PAX3: variants seen among roughly 807,000 people sequenced by gnomAD.
PAX3 encodes paired box protein Pax-3.
Under a neutral mutation model 51.6 loss-of-function variants are expected in PAX3, and 14 were observed. The observed-to-expected ratio is 0.27, with a 90% CI of 0.18 to 0.42. The LOEUF (loss-of-function observed/expected upper bound fraction) is 0.42. PAX3 is among the 10% of genes least tolerant of loss of function. The pLI, the probability that PAX3 is intolerant of heterozygous loss-of-function variation, is 1.00. For missense variants in PAX3, 540 were observed against 642.8 expected, an observed-to-expected ratio of 0.84 and a Z score of 1.73; for synonymous variants, 280 against 253.4, an observed-to-expected ratio of 1.11 and a Z score of -1.00.
intron 5 of PAX3, 88 bp from the exon 6 acceptor site, chr2:222,221,475 G>A: frequency 8.1e-7 from 1 of 1,236,934 alleles, no homozygotes; most frequent in Middle Eastern, 1.9e-4. Context: ...CAGATTAGAG[G>A]CTTCTTACTG....
intron 4 of PAX3, among the ~76,000 whole-genome samples, chr2:222,233,911 G>A (rs991905277): frequency 9.2e-5 from 14 of 152,166 alleles, no homozygotes; most frequent in African/African-American, 1.2e-4. Context: ...GATAGGACCT[G>A]GGGAAATGAA....
At chr2:222,292,776 G>T (rs1182000805) in intron 4 of PAX3, among the ~76,000 whole-genome samples, 4 of 152,190 alleles carry the variant, frequency 2.6e-5, no homozygotes, top group Non-Finnish European at 5.9e-5. Context: ...GAGGATTTAG[G>T]CTGAGTCCAT....
intron 4 of PAX3, among the ~76,000 whole-genome samples, chr2:222,238,989 C>A (rs995505925): frequency 1.3e-5 from 2 of 152,110 alleles, no homozygotes; most frequent in Non-Finnish European, 2.9e-5. Flanking sequence ...CTGAAGTAGC[C>A]CTTTTACGCT....
intron 4 of PAX3, among the ~76,000 whole-genome samples, chr2:222,265,646 AGAAG>A (rs71053065): frequency 0.028 from 3,075 of 109,238 alleles, 71 homozygotes; most frequent in Middle Eastern, 0.047. Flanking sequence ...ATCAAAAAAA[AGAAG>A]GAAGGAAGGA....
chr2:222,216,039 CA>C (rs1691943999), intron 7 of PAX3, among the ~76,000 whole-genome samples: 1 of 152,208 alleles, frequency 6.6e-6, no homozygotes, highest in South Asian at 2.1e-4. Flanking sequence ...TTCCCTGACA[CA>C]TGCAGCCTTT....
At chr2:222,295,774 C>G (rs45441600) in intron 2 of PAX3, 117 bp from the exon 3 acceptor site, 1 of 1,200,096 alleles carries the variant, frequency 8.3e-7, no homozygotes, top group African/African-American at 1.5e-5. Flanking sequence ...GGACGGTCCC[C>G]CTTTGTGAGC....
chr2:222,221,156 A>G (rs903240097), intron 6 of PAX3, 66 bp downstream of exon 6: 16 of 1,479,096 alleles, frequency 1.1e-5, no homozygotes, highest in Non-Finnish European at 1.4e-5. Context: ...ATTCACTTGT[A>G]TAAAATATCC....
At chr2:222,252,322 T>C (rs1693465608) in intron 4 of PAX3, among the ~76,000 whole-genome samples, 1 of 152,226 alleles carries the variant, frequency 6.6e-6, no homozygotes, top group African/African-American at 2.4e-5. Context: ...AGGTGCTTAC[T>C]ATGCACCAGG....
chr2:222,201,121 G>A lies in PAX3; in HGVS notation c.*287C>T, dbSNP rs1217724103. On this transcript the variant is annotated 3_prime_UTR_variant, in exon 9 of 9. Coordinates refer to ENST00000392070, the MANE Select transcript of PAX3 (RefSeq NM_181458.4). ...ATGATCAGCACTAAAGAATTGGGAT[G>A]TTTTGATATGTAACCATGTGAAACC... 8.8e-6 allele frequency: 14 copies of A among 1,590,094 alleles called. No homozygotes were observed. Among genetic ancestry groups the A allele is most frequent in the Non-Finnish European group, 1.2e-5 (14 of 1,159,178 alleles).
At chr2:222,248,264 A>G (rs1693299024) in intron 4 of PAX3, among the ~76,000 whole-genome samples, 1 of 152,218 alleles carries the variant, frequency 6.6e-6, no homozygotes, top group Non-Finnish European at 1.5e-5. Context: ...TAAAGTTTTC[A>G]TTAGAGTGGA....
At position 222,232,204 on chromosome 2, in the gene PAX3, G is replaced by A. The variant is rs1379334182; in HGVS notation, c.666C>T (p.Ser222=). The part of the protein sequence containing the change: ...DLPLKRKQRR[S]RTTFTAEQLE... Reference sequence around the variant, plus strand: ...GCTGTTCTGCTGTGAAGGTGGTTCGGCTTCTGCGCTGTTTCCTCTTTAGTG... The same window carrying A: ...GCTGTTCTGCTGTGAAGGTGGTTCGACTTCTGCGCTGTTTCCTCTTTAGTG... Residue 222 remains serine, a synonymous_variant, in exon 5 of 9, where the codon AGC becomes AGT. Transcript: ENST00000392070. The A allele has an allele frequency of 6.2e-7, 1 of 1,614,062 alleles. No individual in the cohort carries two copies. Among genetic ancestry groups the A allele is most frequent in the Admixed American group, 1.7e-5 (1 of 60,008 alleles).
intron 4 of PAX3, among the ~76,000 whole-genome samples, chr2:222,290,962 C>T (rs1377356224): frequency 1.3e-5 from 2 of 149,370 alleles, no homozygotes; most frequent in African/African-American, 2.5e-5. Context: ...GGGAGGCGGG[C>T]TGTGTCTAGA....
intron 4 of PAX3, among the ~76,000 whole-genome samples, chr2:222,242,120 T>C (rs1005945163): frequency 6.6e-6 from 1 of 152,200 alleles, no homozygotes; most frequent in Admixed American, 6.5e-5. Context: ...AAAAACCATG[T>C]TGTAAAAGAC....
At chr2:222,204,632 T>A (rs938685401) in intron 7 of PAX3, among the ~76,000 whole-genome samples, 10 of 152,188 alleles carry the variant, frequency 6.6e-5, no homozygotes, top group Admixed American at 3.9e-4. Context: ...GTGATTTTTT[T>A]AATAAAAGGG....
intron 5 of PAX3, among the ~76,000 whole-genome samples, chr2:222,226,276 T>G (rs1692381915): frequency 6.6e-6 from 1 of 152,216 alleles, no homozygotes; most frequent in South Asian, 2.1e-4. Flanking sequence ...CAGGGCAAGC[T>G]GCTCATTTCC....
In PAX3 at chr2:222,201,960, A is replaced by G. The variant is rs771066036; in HGVS notation, c.1404T>C (p.Tyr468=). The change falls in exon 8 of 9, where the codon TAT becomes TAC. Residue 468 remains tyrosine, a synonymous_variant. Transcript: ENST00000392070. The part of the protein sequence containing the change: ...YSMDPVTGYQ[Y]GQYGQSAFHY... Reference sequence around the variant, plus strand: ...AAGGCTTACTTTGTCCATACTGCCCATATTGGTAGCCTGTGACAGGGTCCA... The same window carrying G: ...AAGGCTTACTTTGTCCATACTGCCCGTATTGGTAGCCTGTGACAGGGTCCA... 2 of 1,613,968 alleles carry G rather than the reference A, an allele frequency of 1.2e-6. No homozygotes were observed. Among genetic ancestry groups the G allele is most frequent in the Admixed American group, 1.7e-5 (1 of 59,994 alleles).
chr2:222,221,265 G>A lies in PAX3; in HGVS notation c.915C>T (p.Tyr305=), dbSNP rs780611321. 148 of 1,613,914 alleles carry A rather than the reference G, an allele frequency of 9.2e-5. No individual in the cohort carries two copies. The highest frequency in any genetic ancestry group is 4.8e-5 in the Non-Finnish European group (57 of 1,179,936). The change falls in exon 6 of 9, where the codon TAC becomes TAT. Residue 305 remains tyrosine (Y), a synonymous_variant. Coordinates refer to ENST00000392070, the MANE Select transcript of PAX3 (RefSeq NM_181458.4). ...GCTGGTAAGAGGTCTCCGACAGCTG[G>A]TACGTTGGCAAGGTCGGCATGGCAG... ...PPTAMPTLPT[Y]QLSETSYQPT...
rs886055675 is a variant in PAX3, at chr2:222,202,135, T to A, written c.1229A>T (p.Tyr410Phe). The A allele has an allele frequency of 1.7e-5, 27 of 1,612,322 alleles. No homozygotes were observed. The highest frequency in any genetic ancestry group is 2.2e-5 in the Non-Finnish European group (26 of 1,179,250). The change falls in exon 8 of 9, where the codon TAC becomes TTC. Residue 410 changes from tyrosine (Y) to phenylalanine (F), a missense_variant. Transcript: ENST00000392070. ...ACCCCCGGTGAGAGGGGAGAGCGCG[T>A]AATCAGTCTGGGGCTGATGAGGTAC... ...GGVPHQPQTD[Y>F]ALSPLTGGLE...
chr2:222,238,883 A>G (rs914882212), intron 4 of PAX3, among the ~76,000 whole-genome samples: 1 of 152,200 alleles, frequency 6.6e-6, no homozygotes, highest in Non-Finnish European at 1.5e-5. Context: ...TTGAAGTTTG[A>G]TGAACCTACT....
Sources: gnomAD v4.1 joint callset for allele counts (sites outside exome capture counted in the v4.1 genomes callset) on GRCh38, gnomAD v4.1.1 for gene constraint, MANE v1.5 for transcripts, NCBI Gene and HGNC (gene_info 2026-07-23, HGNC 2026-07-21) for gene names.